The following CSF3R variants were observed in gnomAD, a reference collection of about 807,000 sequenced individuals.
CSF3R encodes colony stimulating factor 3 receptor.
A neutral mutation model predicts 84.4 loss-of-function variants in CSF3R; 52 were observed. The observed-to-expected ratio is 0.62, with a 90% CI of 0.49 to 0.78. CSF3R has a LOEUF of 0.78. CSF3R is among the 30% of genes least tolerant of loss of function. The pLI, the probability that CSF3R is intolerant of heterozygous loss-of-function variation, is 0.00. For synonymous variants in CSF3R, 384 were observed against 429.1 expected (o/e 0.89, Z 1.30); for missense variants, 890 against 1,055.7 (o/e 0.84, Z 2.17).
At chr1:36,482,475 G>A (rs1651591866) in intron 1 of CSF3R, among the ~76,000 whole-genome samples, 1 of 152,152 alleles carries the variant, frequency 6.6e-6, no homozygotes, top group African/African-American at 2.4e-5. Context: ...GACCCAGACG[G>A]GGAGGGGTTG....
At chr1:36,483,301 T>C (rs1406955947), upstream of CSF3R, 1 of 152,212 alleles carries the variant, frequency 6.6e-6, no homozygotes, top group Non-Finnish European at 1.5e-5. Flanking sequence ...GGGGACCACA[T>C]CTTCACAGTA....
At chr1:36,473,005 T>G in intron 6 of CSF3R, 1 of 416,524 alleles carries the variant, frequency 2.4e-6, no homozygotes, top group East Asian at 4.2e-5. Flanking sequence ...CATATTAAAA[T>G]AGCCAGTGCT....
At chr1:36,482,456 T>A (rs767559394) in intron 1 of CSF3R, among the ~76,000 whole-genome samples, 46 of 148,924 alleles carry the variant, frequency 3.1e-4, no homozygotes, top group Non-Finnish European at 5.7e-4. Context: ...AAACAGAGAG[T>A]GAAATAGAGA....
rs1260311316 is a variant in CSF3R, at chr1:36,471,446, G to A, written c.1272C>T (p.Phe424=). The A allele has an allele frequency of 6.2e-7, 1 of 1,614,114 alleles. No individual in the cohort carries two copies. Among genetic ancestry groups the A allele is most frequent in the Non-Finnish European group, 8.5e-7 (1 of 1,179,966 alleles). Residue 424 remains phenylalanine (F), a synonymous_variant, in exon 10 of 17, where the codon TTC becomes TTT. Transcript: ENST00000373106. ...AGTSRPTPVV[F]SESRGPALTR... is the part of the protein sequence containing the mutation. ...AGCCCCCTTTACCTCTGCTTTCTGA[G>A]AAGACCACCGGAGTGGGACGAGAGG...
At position 36,467,597 on chromosome 1, in the gene CSF3R, G is replaced by A. The variant is rs121918426; in HGVS notation, c.1919C>T (p.Thr640Ile). The change falls in exon 15 of 17, where the codon ACC becomes ATC. Residue 640 changes from threonine to isoleucine, a missense_variant. Physicochemically the swap from Thr to Ile is moderately conservative, Grantham distance 89 (BLOSUM62 -1). Transcript: ENST00000373106. The surrounding 1 kb of genome is among the most constrained non-coding windows in gnomAD (Gnocchi z 4.1). ...LGLFGLLLLLTCLCGTAWLCC... is the reference protein window; with the variant it reads ...LGLFGLLLLLICLCGTAWLCC... ...GAGCCAGGCAGTTCCACAGAGGCAGGTGAGCAACAGCAGGAGGCCGAACAG... is the reference window on the plus strand; with the variant it reads ...GAGCCAGGCAGTTCCACAGAGGCAGATGAGCAACAGCAGGAGGCCGAACAG... 366 of 1,614,200 alleles carry A rather than the reference G, an allele frequency of 2.3e-4. 2 individuals carry two copies. In the African/African-American group the frequency reaches 3.8e-3, roughly 17 times the overall value.
chr1:36,474,005 T>G, intron 4 of CSF3R, 118 bp from the exon 5 acceptor site: 1 of 1,459,824 alleles, frequency 6.9e-7, no homozygotes, highest in Non-Finnish European at 9.5e-7. Context: ...TCACCTTGTC[T>G]GTCCCCCTGT....
intron 4 of CSF3R, among the ~76,000 whole-genome samples, chr1:36,474,941 T>C (rs981287895): frequency 3.9e-5 from 6 of 152,170 alleles, no homozygotes; most frequent in African/African-American, 1.4e-4. Context: ...GTACTACTGT[T>C]ACCTGATATC....
In CSF3R at chr1:36,471,628, C is replaced by T. The variant is rs1461275355; in HGVS notation, c.1090G>A (p.Asp364Asn). Residue 364 changes from aspartate (D) to asparagine (N), a missense_variant, in exon 10 of 17, where the codon GAC becomes AAC. Physicochemically the swap from Asp to Asn is conservative, Grantham distance 23 (BLOSUM62 1). Transcript: ENST00000373106. ...LFWKPVPLEEDSGRIQGYVVS... is the reference protein window; with the variant it reads ...LFWKPVPLEENSGRIQGYVVS... ...ACATAACCTTGGATCCGTCCGCTGT[C>T]TTCCTCCAGGGGCACTGGCTGTGGG... The T allele has an allele frequency of 8.1e-6, 13 of 1,614,222 alleles. No homozygotes were observed. The highest frequency in any genetic ancestry group is 1.0e-5 in the Non-Finnish European group (12 of 1,180,042).
rs944836541 is a variant in CSF3R at position 36,467,405 on chromosome 1, C to T, written c.1959-94G>A. The T allele has an allele frequency of 3.5e-6, 5 of 1,437,686 alleles. No homozygotes were observed. The highest frequency in any genetic ancestry group is 1.1e-5 in the South Asian group (1 of 87,452). The allele number at this position is 1,437,686 out of a possible 1,614,324, so 89.1% of individuals were successfully genotyped here. A position where few individuals can be genotyped will look rare whatever the true frequency, so the allele number is the denominator to read the frequency against. ...ACCCCACCTGAAGAGGTGCAGCTGC[C>T]CTTAGTGCAGAGAGAAGAAGCTGGG... On this transcript the variant is annotated intron_variant, in intron 15 of 16. Coordinates refer to ENST00000373106, the MANE Select transcript of CSF3R (RefSeq NM_000760.4). This position sits in a 1 kb window ranked among gnomAD's most constrained non-coding sequence, Gnocchi z 4.1.
intron 2 of CSF3R, among the ~76,000 whole-genome samples, chr1:36,481,023 T>C (rs1486610150): frequency 6.6e-6 from 1 of 152,204 alleles, no homozygotes; most frequent in Admixed American, 6.5e-5. Flanking sequence ...CCATCGGTGG[T>C]TGGTAACCTT....
Position 36,467,140 on chromosome 1 carries a change from A to G in CSF3R, c.2040+90T>C. 7.0e-7 allele frequency: 1 copy of G among 1,428,022 alleles called. No individual in the cohort carries two copies. The highest frequency in any genetic ancestry group is 9.9e-7 in the Non-Finnish European group (1 of 1,011,824). The allele number at this position is 1,428,022 out of a possible 1,614,324, so 88.5% of individuals were successfully genotyped here. A position where few individuals can be genotyped will look rare whatever the true frequency, so the allele number is the denominator to read the frequency against. ...CGAGATGTTGCCGGAAGTGACAGGAAGGCCTGAGTACTTGGCTTCAGAAGG... is the reference window on the plus strand; with the variant it reads ...CGAGATGTTGCCGGAAGTGACAGGAGGGCCTGAGTACTTGGCTTCAGAAGG... On this transcript the variant is annotated intron_variant, in intron 16 of 16. Coordinates refer to ENST00000373106, the MANE Select transcript of CSF3R (RefSeq NM_000760.4). This position sits in a 1 kb window ranked among gnomAD's most constrained non-coding sequence, Gnocchi z 4.1.
chr1:36,476,233 G>A (rs1471078607), intron 3 of CSF3R: 1 of 153,130 alleles, frequency 6.5e-6, no homozygotes, highest in African/African-American at 2.4e-5. Context: ...TGATGGATGA[G>A]TGTGGATGTT....
chr1:36,473,806 G>A lies in CSF3R; in HGVS notation c.443C>T (p.Pro148Leu). 6.2e-7 allele frequency: 1 copy of A among 1,614,256 alleles called. No homozygotes were observed. The highest frequency in any genetic ancestry group is 8.5e-7 in the Non-Finnish European group (1 of 1,180,046). Residue 148 changes from proline to leucine, a missense_variant, in exon 5 of 17, where the codon CCT becomes CTT. By Grantham distance (98) the Pro-to-Leu change is moderately conservative. Coordinates refer to ENST00000373106, the MANE Select transcript of CSF3R (RefSeq NM_000760.4). ...GAAGCTGGTGGGTAGGTGGGTCTCA[G>A]GTCCTGGCTCCCACTGGCAGATGAG... Reference protein sequence around the residue: ...SSLICQWEPGPETHLPTSFTL... With the variant: ...SSLICQWEPGLETHLPTSFTL...
chr1:36,472,896 T>C lies in CSF3R; in HGVS notation c.674-210A>G. ...CCTTTGCACTGGTTGTTACTTCTGC[T>C]TGAAATGTTTTCCCTCCAGATATCC... On this transcript the variant is annotated intron_variant, in intron 6 of 16. Transcript: ENST00000373106. This position sits in a 1 kb window ranked among gnomAD's most constrained non-coding sequence, Gnocchi z 5.0. 1.7e-6 allele frequency: 1 copy of C among 589,964 alleles called. No homozygotes were observed. The highest frequency in any genetic ancestry group is 2.8e-6 in the Non-Finnish European group (1 of 351,812). 36.5% of individuals were successfully genotyped at this position (589,964 alleles called of 1,614,324 possible). A position where few individuals can be genotyped will look rare whatever the true frequency, so the allele number is the denominator to read the frequency against.
Position 36,467,807 on chromosome 1 carries a change from C to A in CSF3R, c.1864+15G>T. 6.2e-7 allele frequency: 1 copy of A among 1,614,228 alleles called. No individual in the cohort carries two copies. The highest frequency in any genetic ancestry group is 1.1e-5 in the South Asian group (1 of 91,080). On this transcript the variant is annotated intron_variant, in intron 14 of 16. Coordinates refer to ENST00000373106, the MANE Select transcript of CSF3R (RefSeq NM_000760.4). This position sits in a 1 kb window ranked among gnomAD's most constrained non-coding sequence, Gnocchi z 4.1. ...TCCAAACAGCCATCTCTGCCCAGCC[C>A]CCGTCTCCCCTTACCTGGGGTCAAG...
At chr1:36,480,178 G>A (rs942492321) in intron 2 of CSF3R, 41 of 161,830 alleles carry the variant, frequency 2.5e-4, no homozygotes, top group Non-Finnish European at 4.0e-4. Context: ...GGCACATCCA[G>A]GTTGGGCATG....
intron 12 of CSF3R, 27 bp from the exon 13 acceptor site, chr1:36,468,248 T>C (rs368832557): frequency 4.0e-5 from 62 of 1,553,080 alleles, no homozygotes; most frequent in Middle Eastern, 3.5e-4. Context: ...GTGCGGGGGC[T>C]GAAGGGAGTG....
In CSF3R at chr1:36,467,522, G is replaced by A. The variant is rs368967381; in HGVS notation, c.1958+36C>T. 1.9e-6 allele frequency: 3 copies of A among 1,594,328 alleles called. No individual in the cohort carries two copies. Among genetic ancestry groups the A allele is most frequent in the Non-Finnish European group, 2.6e-6 (3 of 1,162,856 alleles). ...TGGACCTGAGGTTCCCTGTGGGTGG[G>A]GGAAGCAGGATCTCAGGTCTCTCAA... On this transcript the variant is annotated intron_variant, in intron 15 of 16. Coordinates refer to ENST00000373106, the MANE Select transcript of CSF3R (RefSeq NM_000760.4). The surrounding 1 kb of genome is among the most constrained non-coding windows in gnomAD (Gnocchi z 4.1).
At chr1:36,471,928 C>T (rs1198419572) in intron 9 of CSF3R, 138 bp downstream of exon 9, 3 of 873,558 alleles carry the variant, frequency 3.4e-6, no homozygotes, top group Non-Finnish European at 5.5e-6. Context: ...TCCCTAGGCA[C>T]ATGCAAAGTG....
Sources: allele counts gnomAD v4.1 joint callset (sites outside exome capture counted in the v4.1 genomes callset), GRCh38; gene constraint gnomAD v4.1.1; non-coding constraint Gnocchi (gnomAD v3.1); transcripts MANE v1.5; gene names NCBI Gene and HGNC (gene_info 2026-07-23, HGNC 2026-07-21).